LGALS9: variants seen among roughly 807,000 people sequenced by gnomAD.
The protein encoded by LGALS9 is galectin-9.
Under a neutral mutation model 35.9 loss-of-function variants are expected in LGALS9, and 26 were observed. The observed-to-expected ratio is 0.72, with a 90% CI of 0.53 to 1.01. LGALS9 has a LOEUF of 1.01. LGALS9 is among the 50% of genes least tolerant of loss of function. The pLI is 0.00. For synonymous variants in LGALS9, 149 were observed against 172.2 expected, an observed-to-expected ratio of 0.87 and a Z score of 1.06; for missense variants, 347 against 445.8, an observed-to-expected ratio of 0.78 and a Z score of 1.99.
intron 2 of LGALS9, among the ~76,000 whole-genome samples, chr17:27,639,205 C>G: frequency 6.6e-6 from 1 of 152,236 alleles, no homozygotes; most frequent in East Asian, 1.9e-4. Context: ...CCATTGCCAT[C>G]CTGCTGTGGG....
At chr17:27,638,787 G>A (rs145171999) in intron 2 of LGALS9, 130 of 295,470 alleles carry the variant, frequency 4.4e-4, no homozygotes, top group Middle Eastern at 1.2e-3. Context: ...TGGTTTCAAG[G>A]CCTTTTCTAG....
intron 1 of LGALS9, among the ~76,000 whole-genome samples, chr17:27,632,553 C>G (rs1374386724): frequency 2.0e-5 from 3 of 152,200 alleles, no homozygotes; most frequent in African/African-American, 7.2e-5. Context: ...GAAGCTGGAA[C>G]AGGCCGCTGG....
At chr17:27,631,432 C>T in intron 1 of LGALS9, 128 bp downstream of exon 1, 1 of 1,240,780 alleles carries the variant, frequency 8.1e-7, no homozygotes, top group Non-Finnish European at 1.1e-6. Context: ...ACAAGCAGGG[C>T]AGAAATATCA....
intron 1 of LGALS9, among the ~76,000 whole-genome samples, chr17:27,633,247 G>C (rs777969192): frequency 1.3e-5 from 2 of 152,212 alleles, no homozygotes; most frequent in Non-Finnish European, 2.9e-5. Flanking sequence ...AAAGTGGCCG[G>C]GGTTGCTGTG....
At chr17:27,635,829 A>T (rs1189848297) in intron 1 of LGALS9, among the ~76,000 whole-genome samples, 1 of 152,178 alleles carries the variant, frequency 6.6e-6, no homozygotes, top group Non-Finnish European at 1.5e-5. Context: ...CAAGGAGAAA[A>T]ATGTTCCACA....
chr17:27,636,905 A>G (rs1401040996), intron 1 of LGALS9, among the ~76,000 whole-genome samples: 1 of 152,148 alleles, frequency 6.6e-6, no homozygotes, highest in Non-Finnish European at 1.5e-5. Flanking sequence ...CCAGATGGCA[A>G]TCACTGCTTA....
At chr17:27,634,260 CA>C (rs1000864557) in intron 1 of LGALS9, among the ~76,000 whole-genome samples, 7 of 152,298 alleles carry the variant, frequency 4.6e-5, no homozygotes, top group Admixed American at 1.3e-4. Flanking sequence ...TTAAAACCAG[CA>C]GCTTTGGCTG....
chr17:27,642,022 A>G (rs1904546216), intron 3 of LGALS9, among the ~76,000 whole-genome samples: 5 of 152,146 alleles, frequency 3.3e-5, no homozygotes, highest in Admixed American at 3.3e-4. Context: ...AGACAAACCT[A>G]CTGCAGGAAA....
chr17:27,646,729 C>G (rs564796578), intron 8 of LGALS9, 141 bp downstream of exon 8: 5 of 1,413,054 alleles, frequency 3.5e-6, no homozygotes, highest in Admixed American at 1.8e-5. Flanking sequence ...AGCATCCCAG[C>G]GAATTAGAAG....
Position 27,648,709 on chromosome 17 carries a change from T to C in LGALS9, c.922-127T>C. The stretch of plus-strand genomic sequence containing the variant: ...GTGAAGAGCCGTCGTTCAGTGGGGA[T>C]AGAGTGCAGGTGAGGGGCTTATTAA... On this transcript the variant is annotated intron_variant, in intron 10 of 10. Coordinates refer to ENST00000395473, the MANE Select transcript of LGALS9 (RefSeq NM_009587.3). 17 of 1,485,836 alleles carry C rather than the reference T, an allele frequency of 1.1e-5. No individual in the cohort carries two copies. In the South Asian group the frequency reaches 2.1e-4, roughly 18 times the overall value. 92.0% of individuals were successfully genotyped at this position (1,485,836 alleles called of 1,614,324 possible).
At chr17:27,640,133 G>A (rs768188524) in intron 2 of LGALS9, among the ~76,000 whole-genome samples, 4 of 151,908 alleles carry the variant, frequency 2.6e-5, no homozygotes, top group Non-Finnish European at 5.9e-5. Context: ...TGGCCTCTGC[G>A]CCCAGCCCCA....
intron 1 of LGALS9, among the ~76,000 whole-genome samples, chr17:27,632,826 G>C (rs2074405821): frequency 2.0e-5 from 3 of 152,188 alleles, no homozygotes; most frequent in African/African-American, 4.8e-5. Flanking sequence ...CCCCACGGGG[G>C]CTCCCCTGGG....
chr17:27,647,534 C>T, intron 10 of LGALS9, 102 bp downstream of exon 10: 4 of 1,485,812 alleles, frequency 2.7e-6, no homozygotes, highest in Non-Finnish European at 3.6e-6. Context: ...GGGCTGATTC[C>T]TCTGGGATGA....
At chr17:27,634,009 C>G (rs1245249723) in intron 1 of LGALS9, among the ~76,000 whole-genome samples, 1 of 152,226 alleles carries the variant, frequency 6.6e-6, no homozygotes, top group African/African-American at 2.4e-5. Context: ...GGAACAAAAG[C>G]AGGTCCGGTT....
intron 1 of LGALS9, among the ~76,000 whole-genome samples, chr17:27,631,694 C>A (rs1361942327): frequency 1.3e-5 from 2 of 152,088 alleles, no homozygotes; most frequent in Non-Finnish European, 2.9e-5. Flanking sequence ...CTCCCTGGGT[C>A]CAGCTATTTA....
intron 7 of LGALS9, among the ~76,000 whole-genome samples, chr17:27,646,128 A>G (rs538334856): frequency 3.9e-4 from 59 of 152,196 alleles, no homozygotes; most frequent in Admixed American, 8.5e-4. Flanking sequence ...GGTGGAAGAG[A>G]CAAGTCCCCT....
In LGALS9 at chr17:27,648,984, C is replaced by G. The variant is rs376365510; in HGVS notation, c.*2C>G. The G allele has an allele frequency of 1.2e-6, 2 of 1,613,812 alleles. No homozygotes were observed. The highest frequency in any genetic ancestry group is 1.7e-6 in the Non-Finnish European group (2 of 1,179,848). The stretch of plus-strand genomic sequence containing the variant: ...CAGCTGACCCATGTGCAGACATAGG[C>G]GGCTTCCTGGCCCTGGGGCCGGGGG... On this transcript the variant is annotated 3_prime_UTR_variant, in exon 11 of 11. Transcript: ENST00000395473.
At position 27,647,351 on chromosome 17, in the gene LGALS9, C is replaced by A. The variant is rs1337249589; in HGVS notation, c.840C>A (p.Asn280Lys). The change falls in exon 10 of 11, where the codon AAC (asparagine) becomes AAA (lysine). Residue 280 changes from asparagine (N) to lysine (K), a missense_variant. Coordinates refer to ENST00000395473, the MANE Select transcript of LGALS9 (RefSeq NM_009587.3). ...PRFDENAVVR[N>K]TQIDNSWGSE... The stretch of plus-strand genomic sequence containing the variant: ...TTGATGAGAATGCTGTGGTCCGCAA[C>A]ACCCAGATCGACAACTCCTGGGGGT... 1.9e-6 allele frequency: 3 copies of A among 1,614,216 alleles called. No individual in the cohort carries two copies. Among genetic ancestry groups the A allele is most frequent in the Non-Finnish European group, 2.5e-6 (3 of 1,180,036 alleles).
intron 5 of LGALS9, 25 bp downstream of exon 5, chr17:27,643,645 G>A (rs779047743): frequency 4.4e-6 from 7 of 1,587,838 alleles, no homozygotes; most frequent in Admixed American, 1.7e-5. Context: ...GAGGCCCTGG[G>A]TGGCCGAGCA....
Sources: gnomAD v4.1 joint callset for allele counts (sites outside exome capture counted in the v4.1 genomes callset) on GRCh38, gnomAD v4.1.1 for gene constraint, MANE v1.5 for transcripts, NCBI Gene and HGNC (gene_info 2026-07-23, HGNC 2026-07-21) for gene names.